The following MAP6 variants were observed in gnomAD, a reference collection of about 807,000 sequenced individuals.
The protein encoded by MAP6 is microtubule-associated protein 6.
A neutral mutation model predicts 42.4 loss-of-function variants in MAP6; 26 were observed. That is an observed-to-expected ratio of 0.61 (90% CI 0.45 to 0.85). MAP6 has a LOEUF of 0.85. MAP6 is among the 40% of genes least tolerant of loss of function. The pLI is 0.00. For missense variants in MAP6, 966 were observed against 1,099.0 expected (o/e 0.88, Z 1.71); for synonymous variants, 418 against 443.8 (o/e 0.94, Z 0.73).
chr11:75,600,234 G>C (rs1054071203), intron 3 of MAP6, among the ~76,000 whole-genome samples: 27 of 152,224 alleles, frequency 1.8e-4, no homozygotes, highest in African/African-American at 6.0e-4. Context: ...TCCTCTGAGG[G>C]GGGGTATTAG....
intron 3 of MAP6, chr11:75,603,936 C>T (rs1942711903): frequency 1.0e-6 from 1 of 985,614 alleles, no homozygotes; most frequent in Non-Finnish European, 1.2e-6. Flanking sequence ...TTGGCAAATC[C>T]TCTGGATACA....
intron 3 of MAP6, among the ~76,000 whole-genome samples, chr11:75,592,159 G>A (rs1283364649): frequency 5.3e-5 from 8 of 152,084 alleles, no homozygotes; most frequent in Non-Finnish European, 1.5e-5. Flanking sequence ...TGAAGGCTCC[G>A]CTCAGCTCCC....
In MAP6 at chr11:75,587,635, T is replaced by G. The variant is rs575602858; in HGVS notation, c.1866A>C (p.Pro622=). ...APVKGEGPIV[P]APVKDEGPMV... ...TGGGACCTTCATCCTTGACAGGTGC[T>G]GGGACTATGGGACCTTCACCCTTGA... The change falls in exon 4 of 4, where the codon CCA becomes CCC. Residue 622 remains proline, a synonymous_variant. Transcript: ENST00000304771. 4.3e-6 allele frequency: 7 copies of G among 1,614,066 alleles called. No homozygotes were observed. The South Asian group carries it at 6.6e-5, about 15-fold the overall frequency.
intron 1 of MAP6, among the ~76,000 whole-genome samples, chr11:75,617,387 GT>G: frequency 6.6e-6 from 1 of 151,784 alleles, no homozygotes; most frequent in East Asian, 2.0e-4. Flanking sequence ...GTGGTGGCGG[GT>G]GCTTGTAATC....
intron 1 of MAP6, chr11:75,636,156 G>C (rs922166050): frequency 1.3e-5 from 2 of 152,188 alleles, no homozygotes; most frequent in African/African-American, 4.8e-5. Flanking sequence ...GTGCACATGA[G>C]AGAAACTCTA....
At chr11:75,643,087 G>A (rs1943500727) in intron 1 of MAP6, among the ~76,000 whole-genome samples, 3 of 152,026 alleles carry the variant, frequency 2.0e-5, no homozygotes, top group Non-Finnish European at 4.4e-5. Context: ...GACTTTGCAG[G>A]AAATAGAAAG....
intron 3 of MAP6, chr11:75,603,869 T>TC: frequency 3.0e-6 from 3 of 985,472 alleles, no homozygotes; most frequent in Non-Finnish European, 3.6e-6. Context: ...GAAATCCAAA[T>TC]TGTGGCTAGC....
chr11:75,614,432 A>C (rs763298526), intron 1 of MAP6, among the ~76,000 whole-genome samples: 1 of 152,164 alleles, frequency 6.6e-6, no homozygotes, highest in Non-Finnish European at 1.5e-5. Flanking sequence ...GTGGTGGTGC[A>C]TGACTTCTGA....
intron 1 of MAP6, among the ~76,000 whole-genome samples, chr11:75,618,461 G>C (rs1009280934): frequency 6.6e-6 from 1 of 152,082 alleles, no homozygotes; most frequent in African/African-American, 2.4e-5. Flanking sequence ...ACAAAAATTA[G>C]CCAGGCATGG....
intron 1 of MAP6, among the ~76,000 whole-genome samples, chr11:75,666,500 G>A (rs1943949639): frequency 6.6e-6 from 1 of 152,174 alleles, no homozygotes; most frequent in South Asian, 2.1e-4. Flanking sequence ...GAACATGTAG[G>A]GAAAGGAGAG....
In MAP6 at chr11:75,669,018, G is replaced by A; in HGVS notation, c.-649C>T. On this transcript the variant is annotated 5_prime_UTR_variant, in exon 1 of 4. Transcript: ENST00000304771. ...GCCCGCGAATGATGCTGCAGCCGCT[G>A]CCGCCGCCGCCTCTGCCTCTGCTGC... 6.1e-6 allele frequency: 1 copy of A among 164,962 alleles called. No homozygotes were observed. The highest frequency in any genetic ancestry group is 1.3e-5 in the Non-Finnish European group (1 of 76,162). The allele number at this position is 164,962 out of a possible 1,614,324, so 10.2% of individuals were successfully genotyped here.
At chr11:75,607,646 T>G in intron 2 of MAP6, 1 of 985,280 alleles carries the variant, frequency 1.0e-6, no homozygotes, top group African/African-American at 1.7e-5. Context: ...CAGGTGCTTT[T>G]CAGGGACTAG....
At chr11:75,647,706 C>T (rs970204593) in intron 1 of MAP6, among the ~76,000 whole-genome samples, 3 of 152,110 alleles carry the variant, frequency 2.0e-5, no homozygotes, top group Non-Finnish European at 2.9e-5. Flanking sequence ...CATAGAAAGA[C>T]GCAGTATTAT....
chr11:75,602,229 C>T (rs1373134767), intron 3 of MAP6, among the ~76,000 whole-genome samples: 1 of 152,100 alleles, frequency 6.6e-6, no homozygotes, highest in Non-Finnish European at 1.5e-5. Context: ...ACCCCAGCTG[C>T]TTTCCAGGGC....
At chr11:75,662,139 T>C (rs1943861395) in intron 1 of MAP6, among the ~76,000 whole-genome samples, 1 of 152,082 alleles carries the variant, frequency 6.6e-6, no homozygotes, top group Non-Finnish European at 1.5e-5. Flanking sequence ...AGATATAATA[T>C]CTAAAGATAT....
chr11:75,623,786 T>G (rs1943152197), intron 1 of MAP6, among the ~76,000 whole-genome samples: 1 of 152,220 alleles, frequency 6.6e-6, no homozygotes, highest in Non-Finnish European at 1.5e-5. Flanking sequence ...CTCGGCTCAC[T>G]GCAACTTCTG....
chr11:75,605,564 C>T, intron 3 of MAP6: 2 of 1,295,526 alleles, frequency 1.5e-6, no homozygotes, highest in Non-Finnish European at 2.0e-6. Context: ...AGGGCACAGC[C>T]AGCGGCAACG....
At chr11:75,619,297 A>G (rs531891892) in intron 1 of MAP6, among the ~76,000 whole-genome samples, 7 of 152,374 alleles carry the variant, frequency 4.6e-5, no homozygotes, top group Admixed American at 2.6e-4. Context: ...GAATAAACCT[A>G]TATCAGGTAC....
intron 3 of MAP6, chr11:75,594,000 G>A (rs182823893): frequency 1.3e-5 from 2 of 152,304 alleles, no homozygotes; most frequent in African/African-American, 2.4e-5. Flanking sequence ...ATTAGCTTAT[G>A]TGAATGCTCA....
Sources: allele counts gnomAD v4.1 joint callset (sites outside exome capture counted in the v4.1 genomes callset), GRCh38; gene constraint gnomAD v4.1.1; transcripts MANE v1.5; gene names NCBI Gene and HGNC (gene_info 2026-07-23, HGNC 2026-07-21).